Variants in ZNF423 observed in about 807,000 individuals in gnomAD.
The protein encoded by ZNF423 is Ebf-associated zinc finger protein.
ZNF423 carries 12 observed loss-of-function variants against 95.8 expected under a neutral mutation model. The observed-to-expected ratio is 0.13, with a 90% CI of 0.08 to 0.20. The LOEUF is 0.20. ZNF423 is among the 10% of genes least tolerant of loss of function. The pLI is 1.00. For synonymous variants in ZNF423, 749 were observed against 711.9 expected (o/e 1.05, Z -0.83); for missense variants, 1,316 against 1,737.1 (o/e 0.76, Z 4.31).
At chr16:49,737,677 G>C (rs1251105142) in intron 2 of ZNF423, among the ~76,000 whole-genome samples, 1 of 152,228 alleles carries the variant, frequency 6.6e-6, no homozygotes, top group Non-Finnish European at 1.5e-5. Context: ...AGAGGCCCCA[G>C]GGGACCAGAC....
At chr16:49,770,005 C>T (rs1228601700) in intron 2 of ZNF423, among the ~76,000 whole-genome samples, 1 of 152,114 alleles carries the variant, frequency 6.6e-6, no homozygotes, top group African/African-American at 2.4e-5. Context: ...TCTGGTCACC[C>T]TGCTGGCCAC....
chr16:49,490,871 TGG>T lies in ZNF423; in HGVS notation c.*402_*403del, dbSNP rs5816643. 1 of 134,420 alleles carries T rather than the reference TGG, an allele frequency of 7.4e-6. No individual in the cohort carries two copies. The highest frequency in any genetic ancestry group is 3.1e-5 in the African/African-American group (1 of 31,772). The allele number at this position is 134,420 out of a possible 1,614,324, so 8.3% of individuals were successfully genotyped here. The stretch of plus-strand genomic sequence containing the variant: ...TTAAAAAGTAGTTAACCGAAGGGGG[TGG>T]GGGGTGGGGGGGAAGAAAAACAAGA... On this transcript the variant is annotated 3_prime_UTR_variant, in exon 8 of 8. Coordinates refer to ENST00000563137, the MANE Select transcript of ZNF423 (RefSeq NM_001379286.1).
intron 5 of ZNF423, among the ~76,000 whole-genome samples, chr16:49,528,724 T>C (rs568964161): frequency 3.5e-4 from 53 of 152,104 alleles, no homozygotes; most frequent in African/African-American, 1.2e-3. Context: ...TGGGTGTCCA[T>C]TACGTGTATC....
chr16:49,546,677 CA>C (rs1295420319), intron 5 of ZNF423, among the ~76,000 whole-genome samples: 4 of 152,202 alleles, frequency 2.6e-5, no homozygotes, highest in Admixed American at 6.5e-5. Flanking sequence ...GAGATGTCAT[CA>C]GGGGGCACAG....
intron 2 of ZNF423, among the ~76,000 whole-genome samples, chr16:49,784,828 T>C (rs1042600479): frequency 1.3e-5 from 2 of 151,590 alleles, no homozygotes; most frequent in African/African-American, 4.9e-5. Context: ...CACACGTCTG[T>C]AATCCCAGCT....
chr16:49,662,684 G>T (rs185269928), intron 3 of ZNF423, among the ~76,000 whole-genome samples: 224 of 152,306 alleles, frequency 1.5e-3, no homozygotes, highest in African/African-American at 5.1e-3. Flanking sequence ...CAGGAAAAGG[G>T]TGAAGGGTGG....
chr16:49,774,243 T>A (rs1375384371), intron 2 of ZNF423, among the ~76,000 whole-genome samples: 1 of 152,080 alleles, frequency 6.6e-6, no homozygotes, highest in Non-Finnish European at 1.5e-5. Context: ...TTCCTCCCCT[T>A]CCAGCCCTGG....
intron 3 of ZNF423, among the ~76,000 whole-genome samples, chr16:49,655,520 A>G (rs956795571): frequency 6.6e-6 from 1 of 152,212 alleles, no homozygotes; most frequent in Non-Finnish European, 1.5e-5. Context: ...CACAATCAGC[A>G]TGGGGTCCCC....
intron 1 of ZNF423, among the ~76,000 whole-genome samples, chr16:49,820,990 C>T (rs956722218): frequency 2.0e-5 from 3 of 152,224 alleles, no homozygotes; most frequent in Non-Finnish European, 2.9e-5. Flanking sequence ...TCTCTAACTG[C>T]TCCACGCATT....
At chr16:49,819,941 G>T (rs959709703) in intron 1 of ZNF423, among the ~76,000 whole-genome samples, 1 of 152,128 alleles carries the variant, frequency 6.6e-6, no homozygotes, top group Non-Finnish European at 1.5e-5. Flanking sequence ...GGCTAATGTA[G>T]GTGTTCCAAG....
At chr16:49,824,195 T>C (rs1343552857) in intron 1 of ZNF423, among the ~76,000 whole-genome samples, 1 of 152,144 alleles carries the variant, frequency 6.6e-6, no homozygotes, top group Non-Finnish European at 1.5e-5. Context: ...GCTTCTAAGC[T>C]ACCCAAGAGA....
chr16:49,582,320 A>C (rs1970699694), intron 5 of ZNF423, among the ~76,000 whole-genome samples: 1 of 152,234 alleles, frequency 6.6e-6, no homozygotes, highest in African/African-American at 2.4e-5. Context: ...GCCACTCTTC[A>C]AAACCTGTTA....
chr16:49,651,073 T>A (rs1973382135), intron 3 of ZNF423, among the ~76,000 whole-genome samples: 1 of 152,044 alleles, frequency 6.6e-6, no homozygotes, highest in African/African-American at 2.4e-5. Context: ...TAGGCTGTAG[T>A]GCAGTGATGC....
Position 49,855,511 on chromosome 16 carries a change from T to TCCGCCGCCGCCG in ZNF423, c.40+212_40+223dup, listed in dbSNP as rs545977248. 8.9e-4 allele frequency among the ~76,000 whole-genome samples: 128 copies of TCCGCCGCCGCCG among 143,944 alleles called. No individual in the cohort carries two copies. Among genetic ancestry groups the TCCGCCGCCGCCG allele is most frequent in the East Asian group, 3.1e-3 (14 of 4,464 alleles). The allele number at this position is 143,944 out of a possible 152,430, so 94.4% of individuals were successfully genotyped here. A position where few individuals can be genotyped will look rare whatever the true frequency, so the allele number is the denominator to read the frequency against. ...GGGAGGGTGTCCGCGGCGTACCCCC[T>TCCGCCGCCGCCG]CCGCCGCCGCCGCCGCCGCCGCCGC... On this transcript the variant is annotated intron_variant, in intron 1 of 7. Coordinates refer to ENST00000563137, the MANE Select transcript of ZNF423 (RefSeq NM_001379286.1). The surrounding 1 kb of genome is among the most constrained non-coding windows in gnomAD (Gnocchi z 4.7).
rs1970736075 is a variant in ZNF423 at position 49,583,520 on chromosome 16, ATTTTC to A, written c.3601+42645_3601+42649del. Among the ~76,000 whole-genome samples the A allele has an allele frequency of 1.3e-5, 2 of 152,202 alleles. 1 individual carries two copies. Among genetic ancestry groups the A allele is most frequent in the South Asian group, 4.1e-4 (2 of 4,826 alleles). On this transcript the variant is annotated intron_variant, in intron 5 of 7. Transcript: ENST00000563137. ...CTATCAATTTTATTCTAATGACATA[ATTTTC>A]TTTACAGATGCATTAACCATCTACA...
intron 3 of ZNF423, among the ~76,000 whole-genome samples, chr16:49,645,887 TG>T (rs1236327949): frequency 6.6e-6 from 1 of 152,234 alleles, no homozygotes; most frequent in Non-Finnish European, 1.5e-5. Flanking sequence ...TGCCACCATG[TG>T]AAGAAGGACA....
intron 4 of ZNF423, 82 bp from the exon 5 acceptor site, chr16:49,626,336 G>A: frequency 7.5e-7 from 1 of 1,334,316 alleles, no homozygotes; most frequent in Non-Finnish European, 1.1e-6. Flanking sequence ...GGGGGCCTGG[G>A]TCAAGACTTT....
chr16:49,532,383 A>C (rs1027608843), intron 5 of ZNF423, among the ~76,000 whole-genome samples: 1 of 152,044 alleles, frequency 6.6e-6, no homozygotes, highest in Non-Finnish European at 1.5e-5. Context: ...CGCTGCTCCC[A>C]TTTTGGGCTC....
intron 7 of ZNF423, among the ~76,000 whole-genome samples, chr16:49,500,035 C>A (rs149308400): frequency 2.6e-4 from 40 of 152,194 alleles, no homozygotes; most frequent in African/African-American, 8.9e-4. Context: ...ATTGGGTGAG[C>A]GGTGAGACTT....
Sources: allele counts gnomAD v4.1 joint callset (sites outside exome capture counted in the v4.1 genomes callset), GRCh38; gene constraint gnomAD v4.1.1; non-coding constraint Gnocchi (gnomAD v3.1); transcripts MANE v1.5; gene names NCBI Gene and HGNC (gene_info 2026-07-23, HGNC 2026-07-21).